The following CNTNAP4 variants were observed in gnomAD, a reference collection of about 807,000 sequenced individuals.
CNTNAP4 encodes the protein contactin associated protein family member 4.
CNTNAP4 carries 98 observed loss-of-function variants against 148.4 expected under a neutral mutation model. The ratio of observed to expected loss-of-function variants is 0.66; its 90% CI spans 0.56 to 0.78. The LOEUF is 0.78. Ranked by LOEUF, CNTNAP4 falls within the 30% of genes least tolerant of loss-of-function variation. CNTNAP4 has a pLI of 0.00. For synonymous variants in CNTNAP4, 730 were observed against 565.1 expected, an observed-to-expected ratio of 1.29 and a Z score of -4.14; for missense variants, 1,935 against 1,565.6, an observed-to-expected ratio of 1.24 and a Z score of -3.98.
chr16:76,448,045 C>A lies in CNTNAP4; in HGVS notation c.572C>A (p.Ser191Tyr). The change falls in exon 5 of 24, where the codon TCC becomes TAC. Residue 191 changes from serine (S) to tyrosine (Y), a missense_variant. Coordinates refer to ENST00000611870, the MANE Select transcript of CNTNAP4 (RefSeq NM_033401.5). Reference sequence around the variant, plus strand: ...GTGGTTGATCTTGATGGAAAAAGTTCCCTTCTCTACAGATTTGATCAAAAA... The same window carrying A: ...GTGGTTGATCTTGATGGAAAAAGTTACCTTCTCTACAGATTTGATCAAAAA... Reference protein sequence around the residue: ...SEVVDLDGKSSLLYRFDQKSL... With the variant: ...SEVVDLDGKSYLLYRFDQKSL... The A allele has an allele frequency of 1.2e-6, 2 of 1,613,580 alleles. No individual in the cohort carries two copies.
Position 76,489,698 on chromosome 16 carries a change from C to A in CNTNAP4, c.1895C>A (p.Thr632Asn). 1 of 1,587,080 alleles carries A rather than the reference C, an allele frequency of 6.3e-7. No homozygotes were observed. Among genetic ancestry groups the A allele is most frequent in the Non-Finnish European group, 8.6e-7 (1 of 1,162,202 alleles). The change falls in exon 13 of 24, where the codon ACC (threonine) becomes AAC (asparagine). Residue 632 changes from threonine to asparagine, a missense_variant. Physicochemically the swap from Thr to Asn is moderately conservative, Grantham distance 65 (BLOSUM62 0). Transcript: ENST00000611870. Reference protein sequence around the residue: ...LYCNMTETAWTIIQHNGSDLT... With the variant: ...LYCNMTETAWNIIQHNGSDLT... ...TTCTGCATACAAGAAACTGCATGGA[C>A]CATCATACAGCACAACGGCTCTGAC... is the stretch of plus-strand genomic sequence containing the variant.
chr16:76,482,139 GA>G (rs1013805185), intron 12 of CNTNAP4, among the ~76,000 whole-genome samples: 2 of 152,042 alleles, frequency 1.3e-5, no homozygotes, highest in African/African-American at 4.8e-5. Flanking sequence ...GGAAAAGAGT[GA>G]TGAGACTATG....
At position 76,470,482 on chromosome 16, in the gene CNTNAP4, A is replaced by AATATATATATATAT. The variant is rs67354977; in HGVS notation, c.1655+2961_1655+2974dup. On this transcript the variant is annotated intron_variant, in intron 10 of 23. Coordinates refer to ENST00000611870, the MANE Select transcript of CNTNAP4 (RefSeq NM_033401.5). ...ATAGCAAAACCACGTCTCTACTAATAATATATATATATATAAAATTAGTCG... is the reference window on the plus strand; with the variant it reads ...ATAGCAAAACCACGTCTCTACTAATAATATATATATATATATATATATATATATAAAATTAGTCG... Among the ~76,000 whole-genome samples the AATATATATATATAT allele has an allele frequency of 5.6e-4, 54 of 96,982 alleles. 3 individuals carry two copies. The highest frequency in any genetic ancestry group is 1.4e-3 in the African/African-American group (30 of 21,134). The allele number at this position is 96,982 out of a possible 152,430, so 63.6% of individuals were successfully genotyped here. A position where few individuals can be genotyped will look rare whatever the true frequency, so the allele number is the denominator to read the frequency against.
intron 17 of CNTNAP4, among the ~76,000 whole-genome samples, chr16:76,522,755 T>C (rs2083539108): frequency 9.5e-6 from 1 of 105,158 alleles, no homozygotes; most frequent in African/African-American, 3.8e-5. Flanking sequence ...TCTTTTCTTT[T>C]CTTTTCTTTT....
intron 8 of CNTNAP4, among the ~76,000 whole-genome samples, chr16:76,455,146 A>T (rs2080673884): frequency 6.6e-6 from 1 of 152,212 alleles, no homozygotes; most frequent in Non-Finnish European, 1.5e-5. Flanking sequence ...AAAATCCCTT[A>T]TGACACAAAA....
intron 17 of CNTNAP4, among the ~76,000 whole-genome samples, chr16:76,522,659 TC>T (rs1426879464): frequency 0.027 from 3,345 of 124,832 alleles, 360 homozygotes; most frequent in Middle Eastern, 0.069. Context: ...TCTCTCTTTC[TC>T]TCTTTCCTTC....
intron 7 of CNTNAP4, 137 bp from the exon 8 acceptor site, chr16:76,452,371 G>T: frequency 1.3e-6 from 1 of 742,118 alleles, no homozygotes. Flanking sequence ...ATATGGCAGT[G>T]GTTTGGACTG....
intron 2 of CNTNAP4, among the ~76,000 whole-genome samples, chr16:76,331,065 A>T (rs1365950480): frequency 6.6e-6 from 1 of 152,180 alleles, no homozygotes; most frequent in Non-Finnish European, 1.5e-5. Context: ...GGCATTTCAC[A>T]ATTTTGTGAA....
At chr16:76,455,651 C>G (rs577172377) in intron 8 of CNTNAP4, among the ~76,000 whole-genome samples, 74 of 152,314 alleles carry the variant, frequency 4.9e-4, no homozygotes, top group African/African-American at 1.8e-3. Context: ...TGGTTAGTGA[C>G]TACGGTTAGT....
At chr16:76,443,459 C>A (rs965845322) in intron 4 of CNTNAP4, among the ~76,000 whole-genome samples, 1 of 152,230 alleles carries the variant, frequency 6.6e-6, no homozygotes, top group East Asian at 1.9e-4. Context: ...GTGGCAAATT[C>A]CTGTAGTCTC....
At chr16:76,546,226 CA>C (rs1476065673) in intron 21 of CNTNAP4, among the ~76,000 whole-genome samples, 7 of 152,094 alleles carry the variant, frequency 4.6e-5, no homozygotes, top group African/African-American at 1.7e-4. Flanking sequence ...TATGCAGCCA[CA>C]ACAAGGAGAT....
intron 2 of CNTNAP4, among the ~76,000 whole-genome samples, chr16:76,322,423 G>A (rs994302353): frequency 2.6e-5 from 4 of 152,094 alleles, no homozygotes; most frequent in Admixed American, 1.3e-4. Flanking sequence ...CTTCTCTTTC[G>A]TATTCTTTCC....
chr16:76,376,199 T>TA (rs1484635408), intron 3 of CNTNAP4, among the ~76,000 whole-genome samples: 1 of 151,766 alleles, frequency 6.6e-6, no homozygotes, highest in Admixed American at 6.6e-5. Context: ...GCAAAAAAAA[T>TA]ACAACTCATG....
At chr16:76,354,996 C>T (rs1483062200) in intron 2 of CNTNAP4, among the ~76,000 whole-genome samples, 3 of 152,172 alleles carry the variant, frequency 2.0e-5, no homozygotes, top group Non-Finnish European at 4.4e-5. Context: ...TACATGTGTG[C>T]AGTAGACATG....
chr16:76,358,074 C>T (rs2012920814), intron 3 of CNTNAP4, among the ~76,000 whole-genome samples: 1 of 152,200 alleles, frequency 6.6e-6, no homozygotes, highest in African/African-American at 2.4e-5. Flanking sequence ...TGGCTCACAT[C>T]TGTAATCCCA....
chr16:76,527,267 T>G (rs1372990112), intron 17 of CNTNAP4, among the ~76,000 whole-genome samples: 1 of 152,180 alleles, frequency 6.6e-6, no homozygotes, highest in Non-Finnish European at 1.5e-5. Flanking sequence ...AGGACCCTTC[T>G]CCCATTCCCT....
At chr16:76,521,678 T>C (rs529869624) in intron 16 of CNTNAP4, among the ~76,000 whole-genome samples, 39 of 152,358 alleles carry the variant, frequency 2.6e-4, no homozygotes, top group African/African-American at 9.4e-4. Flanking sequence ...TTAAAAATTA[T>C]GTAAACTTTG....
intron 4 of CNTNAP4, 66 bp from the exon 5 acceptor site, chr16:76,447,946 C>T (rs1029361382): frequency 1.7e-6 from 2 of 1,155,022 alleles, no homozygotes; most frequent in African/African-American, 1.5e-5. Flanking sequence ...ATATATAATG[C>T]ATTTAAAATG....
chr16:76,367,399 C>G (rs1443988582), intron 3 of CNTNAP4, among the ~76,000 whole-genome samples: 3 of 151,726 alleles, frequency 2.0e-5, no homozygotes, highest in African/African-American at 7.3e-5. Context: ...AACCCAAATG[C>G]CATAAAGGAA....
Sources: allele counts gnomAD v4.1 joint callset (sites outside exome capture counted in the v4.1 genomes callset), GRCh38; gene constraint gnomAD v4.1.1; transcripts MANE v1.5; gene names NCBI Gene and HGNC (gene_info 2026-07-23, HGNC 2026-07-21).